The following COL2A1 variants were observed in gnomAD, a reference collection of about 807,000 sequenced individuals.
COL2A1 encodes the protein collagen type II alpha 1 chain, also known as collagen alpha-1(II) chain.
In COL2A1, 28 loss-of-function variants were observed where a neutral mutation model predicts 204.5. The ratio of observed to expected loss-of-function variants is 0.14; its 90% CI spans 0.10 to 0.19. The LOEUF is 0.19. COL2A1 is among the 10% of genes least tolerant of loss of function. The probability of loss-of-function intolerance (pLI) is 1.00; values close to 1 mark genes in which losing one functional copy is unlikely to be tolerated. For synonymous variants in COL2A1, 708 were observed against 718.7 expected, an observed-to-expected ratio of 0.99 and a Z score of 0.24; for missense variants, 1,388 against 2,027.5, an observed-to-expected ratio of 0.68 and a Z score of 6.06.
At chr12:47,982,697 A>G in intron 33 of COL2A1, 88 bp from the exon 34 acceptor site, 1 of 1,271,096 alleles carries the variant, frequency 7.9e-7, no homozygotes, top group East Asian at 2.4e-5. Context: ...AGGGCCCCAA[A>G]CCCCTCTTCC....
chr12:47,982,633 T>G, intron 33 of COL2A1, 24 bp from the exon 34 acceptor site: 1 of 1,551,358 alleles, frequency 6.4e-7, no homozygotes, highest in Non-Finnish European at 8.9e-7. Context: ...TAAGAGGGAG[T>G]CTGTAGTGGA....
intron 16 of COL2A1, 77 bp downstream of exon 16, chr12:47,992,801 C>T (rs573039378): frequency 7.3e-6 from 11 of 1,496,634 alleles, no homozygotes; most frequent in East Asian, 4.5e-5. Context: ...AGGGTTGTTT[C>T]GAGGGTCAAG....
In COL2A1 at chr12:47,978,147, G is replaced by C; in HGVS notation, c.3004-30C>G. ...AGGGACAGAGACAAGGATGATGAGT[G>C]CAAGTGGTAAGCACCCCTGCCCAGG... On this transcript the variant is annotated intron_variant, in intron 43 of 53. Transcript: ENST00000380518. The surrounding 1 kb of genome is among the most constrained non-coding windows in gnomAD (Gnocchi z 5.5). 1 of 1,601,868 alleles carries C rather than the reference G, an allele frequency of 6.2e-7. No homozygotes were observed. The highest frequency in any genetic ancestry group is 8.5e-7 in the Non-Finnish European group (1 of 1,172,166).
Position 47,978,732 on chromosome 12 carries a change from A to G in COL2A1, c.2760T>C (p.Pro920=), listed in dbSNP as rs779733271. The G allele has an allele frequency of 2.5e-6, 4 of 1,612,996 alleles. No homozygotes were observed. Among genetic ancestry groups the G allele is most frequent in the Non-Finnish European group, 3.4e-6 (4 of 1,179,958 alleles). Residue 920 remains proline, a synonymous_variant, in exon 42 of 54, where the codon CCT becomes CCC. Transcript: ENST00000380518. The surrounding 1 kb of genome is among the most constrained non-coding windows in gnomAD (Gnocchi z 5.5). ...SNGNPGPPGP[P]GPSGKDGPKG... ...TGGGACCATCTTTTCCAGAAGGACC[A>G]GGGGGACCAGGGGGTCCAGGGTTGC...
chr12:47,980,276 G>T lies in COL2A1; in HGVS notation c.2626-214C>A, dbSNP rs1466311965. The stretch of plus-strand genomic sequence containing the variant: ...AAGCCTGTCAGGCAACCACAGAACC[G>T]GTCTGGGGTCTGGCCTCCCGGGAAG... On this transcript the variant is annotated intron_variant, in intron 39 of 53. Coordinates refer to ENST00000380518, the MANE Select transcript of COL2A1 (RefSeq NM_001844.5). This position sits in a 1 kb window ranked among gnomAD's most constrained non-coding sequence, Gnocchi z 4.5. 1.3e-5 allele frequency among the ~76,000 whole-genome samples: 2 copies of T among 152,150 alleles called. No individual in the cohort carries two copies. The highest frequency in any genetic ancestry group is 1.3e-4 in the Admixed American group (2 of 15,280).
intron 52 of COL2A1, 120 bp downstream of exon 52, chr12:47,974,555 C>G: frequency 7.5e-7 from 1 of 1,327,634 alleles, no homozygotes; most frequent in Non-Finnish European, 1.1e-6. Flanking sequence ...TCCCTCCTCT[C>G]AAGCCCAACA....
At chr12:47,984,654 G>T in intron 27 of COL2A1, 55 bp from the exon 28 acceptor site, 1 of 1,542,954 alleles carries the variant, frequency 6.5e-7, no homozygotes, top group African/African-American at 1.4e-5. Flanking sequence ...GGGAGTTGGG[G>T]GCAGAGCGGG....
rs534805237 is a variant in COL2A1 at position 47,983,375 on chromosome 12, C to T, written c.2049+10G>A. 6.2e-7 allele frequency: 1 copy of T among 1,613,878 alleles called. No homozygotes were observed. Among genetic ancestry groups the T allele is most frequent in the South Asian group, 1.1e-5 (1 of 91,074 alleles). On this transcript the variant is annotated intron_variant, in intron 31 of 53. Transcript: ENST00000380518. ...AAACAGGTTGCAGGTCCAAAGAGCC[C>T]CATACTCACCTGGTCACCTGGTTTT...
chr12:47,984,029 C>A, intron 29 of COL2A1, 58 bp downstream of exon 29: 1 of 1,480,326 alleles, frequency 6.8e-7, no homozygotes, highest in East Asian at 2.3e-5. Context: ...CTCTCCCACC[C>A]CCACCCCTCC....
At chr12:47,982,401 A>G in intron 34 of COL2A1, 101 bp downstream of exon 34, 1 of 1,028,122 alleles carries the variant, frequency 9.7e-7, no homozygotes, top group Non-Finnish European at 1.5e-6. Flanking sequence ...GCTAACAGAA[A>G]CCTTCATCAC....
chr12:47,988,837 C>T (rs988230492), intron 18 of COL2A1, among the ~76,000 whole-genome samples: 3 of 152,246 alleles, frequency 2.0e-5, no homozygotes, highest in African/African-American at 7.2e-5. Context: ...GCCCTTTTCC[C>T]TGCCCAGTTC....
Position 47,997,890 on chromosome 12 carries a change from C to T in COL2A1, c.410G>A (p.Arg137His), listed in dbSNP as rs201675352. The change falls in exon 6 of 54, where the codon CGT becomes CAT. Residue 137 changes from arginine (R) to histidine (H), a missense_variant. Arg to His is a conservative substitution (Grantham distance 29). Transcript: ENST00000380518. ...ACTCACTTTTTCACCTTTGTCACCA[C>T]GATCCCCTCTGGGTCCTTGTTCCCC... is the stretch of plus-strand genomic sequence containing the variant. ...PAGEQGPRGD[R>H]GDKGEKGAPG... is the part of the protein sequence containing the mutation. The T allele has an allele frequency of 7.3e-5, 118 of 1,613,998 alleles. 2 individuals are homozygous for T. The highest frequency in any genetic ancestry group is 1.1e-4 in the African/African-American group (8 of 74,934).
chr12:47,988,238 A>T (rs1006605325), intron 18 of COL2A1, among the ~76,000 whole-genome samples: 4 of 152,132 alleles, frequency 2.6e-5, no homozygotes, highest in Admixed American at 6.5e-5. Flanking sequence ...GTTCTCAGTA[A>T]GCCAGAAAGC....
Position 48,004,076 on chromosome 12 carries a change from T to C in COL2A1, c.85+161A>G, listed in dbSNP as rs1010198916. 15 of 645,598 alleles carry C rather than the reference T, an allele frequency of 2.3e-5. No individual in the cohort carries two copies. In the South Asian group the frequency reaches 2.5e-4, roughly 11 times the overall value. 40.0% of individuals were successfully genotyped at this position (645,598 alleles called of 1,614,324 possible). ...AGTCCTTGATTGGCAGAACTCTTCT[T>C]GGTGAACTTCTGCGTGTCCTGTGCC... is the stretch of plus-strand genomic sequence containing the variant. On this transcript the variant is annotated intron_variant, in intron 1 of 53. Coordinates refer to ENST00000380518, the MANE Select transcript of COL2A1 (RefSeq NM_001844.5).
rs747749100 is a variant in COL2A1 at position 47,998,073 on chromosome 12, G to A, written c.343-9C>T. On this transcript the variant is annotated splice_polypyrimidine_tract_variant and intron_variant, in intron 4 of 53. Transcript: ENST00000380518. ...CCTTTGGGTCCTACAATCTGTGAGA[G>A]AGAGCCCCACAGGATGGTAAGTTAG... 2 of 1,614,076 alleles carry A rather than the reference G, an allele frequency of 1.2e-6. No homozygotes were observed. The highest frequency in any genetic ancestry group is 1.7e-6 in the Non-Finnish European group (2 of 1,180,040).
chr12:47,992,612 G>C (rs1227427065), intron 16 of COL2A1, among the ~76,000 whole-genome samples: 1 of 152,154 alleles, frequency 6.6e-6, no homozygotes, highest in Non-Finnish European at 1.5e-5. Context: ...CAGGGAGTGG[G>C]TGGTGGTTGT....
At chr12:47,982,691 C>G in intron 33 of COL2A1, 82 bp from the exon 34 acceptor site, 1 of 1,268,308 alleles carries the variant, frequency 7.9e-7, no homozygotes, top group Non-Finnish European at 1.1e-6. Flanking sequence ...GTAACCAGGG[C>G]CCCAAACCCC....
Position 47,978,064 on chromosome 12 carries a change from A to C in COL2A1, c.3057T>G (p.Pro1019=), listed in dbSNP as rs767248078. 6.8e-6 allele frequency: 11 copies of C among 1,613,772 alleles called. No individual in the cohort carries two copies. The highest frequency in any genetic ancestry group is 9.3e-6 in the Non-Finnish European group (11 of 1,180,020). ...TCAGGCCAGGAGGACCCACGGGGCC[A>C]GGAGGACCTCTGTCTCCAGATGCTC... ...APGASGDRGP[P]GPVGPPGLTG... is the part of the protein sequence containing the mutation. The change falls in exon 44 of 54, where the codon CCT becomes CCG. Residue 1019 remains proline (P), a synonymous_variant. Transcript: ENST00000380518. The surrounding 1 kb of genome is among the most constrained non-coding windows in gnomAD (Gnocchi z 5.5).
At chr12:47,982,822 C>A in intron 33 of COL2A1, 26 bp downstream of exon 33, 1 of 1,590,434 alleles carries the variant, frequency 6.3e-7, no homozygotes, top group Non-Finnish European at 8.6e-7. Flanking sequence ...ACCACGAAGA[C>A]CCCTACAGGA....
Sources: gnomAD v4.1 joint callset for allele counts (sites outside exome capture counted in the v4.1 genomes callset) on GRCh38, gnomAD v4.1.1 for gene constraint, Gnocchi (gnomAD v3.1) non-coding constraint, MANE v1.5 for transcripts, NCBI Gene and HGNC (gene_info 2026-07-23, HGNC 2026-07-21) for gene names.